The following CHD2 variants were observed in gnomAD, a reference collection of about 807,000 sequenced individuals.
CHD2 encodes the protein ATP-dependent chromatin remodeler CHD2.
In CHD2, 28 loss-of-function variants were observed where a neutral mutation model predicts 243.9. The observed-to-expected ratio is 0.11, with a 90% confidence interval of 0.09 to 0.16. The LOEUF is 0.16. Among genes scored for constraint, CHD2 ranks in the 10% least tolerant of loss-of-function variants. The probability of loss-of-function intolerance (pLI) is 1.00; values close to 1 mark genes in which losing one functional copy is unlikely to be tolerated. For synonymous variants in CHD2, 775 were observed against 779.0 expected (o/e 0.99, Z 0.09); for missense variants, 1,386 against 2,209.8 (o/e 0.63, Z 7.47).
intron 2 of CHD2, among the ~76,000 whole-genome samples, chr15:92,921,052 T>A (rs2052945986): frequency 6.6e-6 from 1 of 151,768 alleles, no homozygotes; most frequent in Non-Finnish European, 1.5e-5. Context: ...GCATGGTAAT[T>A]GAAGCTCAGA....
chr15:93,009,069 C>A, intron 34 of CHD2, 76 bp from the exon 35 acceptor site: 2 of 1,491,770 alleles, frequency 1.3e-6, no homozygotes, highest in Admixed American at 2.0e-5. Flanking sequence ...GTGTTTTCAT[C>A]GAGAGCACAG....
chr15:92,993,927 A>G (rs1020213106), intron 28 of CHD2, among the ~76,000 whole-genome samples: 1 of 152,122 alleles, frequency 6.6e-6, no homozygotes, highest in Non-Finnish European at 1.5e-5. Flanking sequence ...AGTTGAGATC[A>G]TGCCACTGCA....
chr15:92,918,013 T>TC (rs1249481496), intron 2 of CHD2, among the ~76,000 whole-genome samples: 1 of 152,218 alleles, frequency 6.6e-6, no homozygotes, highest in African/African-American at 2.4e-5. Context: ...GCCAACCAGT[T>TC]CGGCCATTTT....
rs1365267516 is a variant in CHD2, at chr15:93,004,888, C to G, written c.4413+137C>G. 1.5e-5 allele frequency: 13 copies of G among 884,172 alleles called. No individual in the cohort carries two copies. The East Asian group carries it at 3.2e-4, about 22-fold the overall frequency. 54.8% of individuals were successfully genotyped at this position (884,172 alleles called of 1,614,324 possible). A position where few individuals can be genotyped will look rare whatever the true frequency, so the allele number is the denominator to read the frequency against. On this transcript the variant is annotated intron_variant, in intron 34 of 38. Coordinates refer to ENST00000394196, the MANE Select transcript of CHD2 (RefSeq NM_001271.4). Reference sequence around the variant, plus strand: ...TTGGGAAACACATTGCTTACAGTATCGGAAGACCATGTGCTCTTCAGCAGG... The same window carrying G: ...TTGGGAAACACATTGCTTACAGTATGGGAAGACCATGTGCTCTTCAGCAGG...
intron 25 of CHD2, among the ~76,000 whole-genome samples, chr15:92,985,007 C>T (rs1328468779): frequency 6.6e-6 from 1 of 152,138 alleles, no homozygotes; most frequent in African/African-American, 2.4e-5. Context: ...TTTTTTTACC[C>T]ATTTTGTTGG....
intron 15 of CHD2, 126 bp from the exon 16 acceptor site, chr15:92,956,333 C>T: frequency 1.5e-6 from 1 of 682,338 alleles, no homozygotes; most frequent in South Asian, 1.9e-5. Context: ...TATATATTGT[C>T]AGTGAAGAAT....
At chr15:92,911,941 T>C (rs567281811) in intron 2 of CHD2, among the ~76,000 whole-genome samples, 1 of 152,336 alleles carries the variant, frequency 6.6e-6, no homozygotes, top group Admixed American at 6.5e-5. Context: ...CAAAAGGCCA[T>C]GACTCTACAT....
intron 10 of CHD2, 89 bp from the exon 11 acceptor site, chr15:92,945,732 G>T: frequency 5.4e-6 from 4 of 747,396 alleles, no homozygotes; most frequent in Non-Finnish European, 8.5e-6. Flanking sequence ...TGAGGTAGTA[G>T]AATATATTTA....
intron 2 of CHD2, among the ~76,000 whole-genome samples, chr15:92,914,189 G>A (rs903967736): frequency 1.3e-5 from 2 of 152,224 alleles, no homozygotes; most frequent in African/African-American, 4.8e-5. Context: ...GCTTTAATGG[G>A]TGTAAATACA....
chr15:92,986,885 C>T (rs1195447950), intron 26 of CHD2, among the ~76,000 whole-genome samples: 2 of 151,998 alleles, frequency 1.3e-5, no homozygotes, highest in African/African-American at 2.4e-5. Context: ...GCATGTGCCA[C>T]CATGTCTGGC....
chr15:92,950,372 T>C (rs1399327502), intron 13 of CHD2: 1 of 152,226 alleles, frequency 6.6e-6, no homozygotes, highest in African/African-American at 2.4e-5. Flanking sequence ...CCATTAGTCC[T>C]CGAGAATTTA....
In CHD2 at chr15:93,026,255, C is replaced by T. The variant is rs541401894; in HGVS notation, c.*1550C>T. ...GTCCAGGCTCAGAGCTGGTGAAAAC[C>T]CTTCTGTTGGGCGTGTGCAGGGTTA... On this transcript the variant is annotated 3_prime_UTR_variant, in exon 39 of 39. Transcript: ENST00000394196. 2.0e-5 allele frequency: 3 copies of T among 152,712 alleles called. No individual in the cohort carries two copies. Among genetic ancestry groups the T allele is most frequent in the Admixed American group, 6.5e-5 (1 of 15,296 alleles). The allele number at this position is 152,712 out of a possible 1,614,324, so 9.5% of individuals were successfully genotyped here.
chr15:92,981,437 G>T lies in CHD2; in HGVS notation c.3046G>T (p.Glu1016Ter). The change falls in exon 24 of 39, where the codon GAA (glutamate) becomes TAA (stop). Residue 1016 changes from glutamate to a stop codon, truncating the protein, a stop_gained. Transcript: ENST00000394196. LOFTEE classifies it high-confidence loss of function. ...TGAAGTGTCAACAAGTGCAACAGAT[G>T]AACTTCTATCACAGTTTAAGGTATG... is the stretch of plus-strand genomic sequence containing the variant. ...ENEVSTSATD[E>*]LLSQFKVANF... 1 of 1,613,460 alleles carries T rather than the reference G, an allele frequency of 6.2e-7. No individual in the cohort carries two copies. Among genetic ancestry groups the T allele is most frequent in the South Asian group, 1.1e-5 (1 of 91,052 alleles).
intron 36 of CHD2, among the ~76,000 whole-genome samples, chr15:93,013,732 C>T (rs1352296233): frequency 6.6e-6 from 1 of 151,828 alleles, no homozygotes; most frequent in Non-Finnish European, 1.5e-5. Context: ...GCCGAGAGTT[C>T]GAGACCAGCC....
chr15:92,912,724 A>G (rs1041732521), intron 2 of CHD2, among the ~76,000 whole-genome samples: 9 of 129,452 alleles, frequency 7.0e-5, no homozygotes, highest in East Asian at 4.2e-4. Context: ...TAGTAGAGAC[A>G]GGGGTTTCAC....
chr15:92,942,251 G>T (rs913722829), intron 8 of CHD2, among the ~76,000 whole-genome samples: 1 of 152,120 alleles, frequency 6.6e-6, no homozygotes, highest in Non-Finnish European at 1.5e-5. Flanking sequence ...TGTTTCTTAA[G>T]CTCCTTGTGA....
At chr15:92,936,432 C>T (rs151116614) in intron 5 of CHD2, among the ~76,000 whole-genome samples, 2,522 of 152,308 alleles carry the variant, frequency 0.017, 34 homozygotes, top group Non-Finnish European at 0.027. Flanking sequence ...GCAGCTATTA[C>T]ATGTTTCTTC....
At chr15:92,936,062 G>T (rs1197684493) in intron 5 of CHD2, among the ~76,000 whole-genome samples, 1 of 152,092 alleles carries the variant, frequency 6.6e-6, no homozygotes, top group South Asian at 2.1e-4. Flanking sequence ...ATGGAAACAC[G>T]CAGTGCTAGT....
At chr15:92,932,379 G>C (rs912446762) in intron 5 of CHD2, among the ~76,000 whole-genome samples, 1 of 149,742 alleles carries the variant, frequency 6.7e-6, no homozygotes, top group Non-Finnish European at 1.5e-5. Context: ...TGTCATGTTG[G>C]TGTGCTGCAC....
Sources: gnomAD v4.1 joint callset for allele counts (sites outside exome capture counted in the v4.1 genomes callset) on GRCh38, gnomAD v4.1.1 for gene constraint, MANE v1.5 for transcripts, NCBI Gene and HGNC (gene_info 2026-07-23, HGNC 2026-07-21) for gene names.